Variants in FBXL4 observed in about 807,000 individuals in gnomAD.
FBXL4 encodes the protein F-box/LRR-repeat protein 4.
FBXL4 carries 40 observed loss-of-function variants against 58.9 expected under a neutral mutation model. The ratio of observed to expected loss-of-function variants is 0.68; its 90% confidence interval spans 0.53 to 0.88. FBXL4 has a LOEUF of 0.88. Ranked by LOEUF, FBXL4 falls within the 40% of genes least tolerant of loss-of-function variation. The probability of loss-of-function intolerance (pLI) is 0.00; values close to 1 mark genes in which losing one functional copy is unlikely to be tolerated. For missense variants in FBXL4, 676 were observed against 734.4 expected (o/e 0.92, Z 0.92); for synonymous variants, 263 against 265.5 (o/e 0.99, Z 0.09).
chr6:98,904,277 A>G (rs948077765), intron 6 of FBXL4, among the ~76,000 whole-genome samples: 1 of 152,182 alleles, frequency 6.6e-6, no homozygotes, highest in Non-Finnish European at 1.5e-5. Flanking sequence ...CAGCTGCCAA[A>G]TATCTAGCAA....
At chr6:98,889,873 G>T (rs1228122634) in intron 7 of FBXL4, among the ~76,000 whole-genome samples, 1 of 151,970 alleles carries the variant, frequency 6.6e-6, no homozygotes, top group South Asian at 2.1e-4. Context: ...AATTTTCATT[G>T]ACAGCTTTTT....
intron 7 of FBXL4, among the ~76,000 whole-genome samples, chr6:98,890,513 C>T (rs1363731070): frequency 6.6e-6 from 1 of 152,174 alleles, no homozygotes; most frequent in Non-Finnish European, 1.5e-5. Context: ...AGAACACAAC[C>T]ACTCAATTAC....
rs1389372878 is a variant in FBXL4, at chr6:98,872,652, T to G, written c.*1626A>C. The G allele has an allele frequency of 6.6e-6, 1 of 152,202 alleles. No homozygotes were observed. Among genetic ancestry groups the G allele is most frequent in the Non-Finnish European group, 1.5e-5 (1 of 68,038 alleles). 9.4% of individuals were successfully genotyped at this position (152,202 alleles called of 1,614,324 possible). On this transcript the variant is annotated 3_prime_UTR_variant, in exon 10 of 10. Transcript: ENST00000369244. ...ACATAACAATCTCAGTTTTACCTCTTAGCCCACAAAGCCTAAAATATTTAC... is the reference window on the plus strand; with the variant it reads ...ACATAACAATCTCAGTTTTACCTCTGAGCCCACAAAGCCTAAAATATTTAC...
intron 6 of FBXL4, among the ~76,000 whole-genome samples, chr6:98,903,282 C>T (rs1382869426): frequency 1.3e-5 from 2 of 152,102 alleles, no homozygotes; most frequent in African/African-American, 4.8e-5. Flanking sequence ...ACTATCAATT[C>T]AGCAGTCAAG....
Position 98,917,699 on chromosome 6 carries a change from TC to T in FBXL4, c.532del (p.Glu178ArgfsTer6). ...AEVRWEILWS[E>X]RPTKVNASQA... ...GGAAGCATTCACCTTCGTAGGTCTC[TC>T]TGACCAAAGAATCTCCCATCTGCCA... On this transcript the variant is annotated frameshift_variant, in exon 5 of 10. Transcript: ENST00000369244. LOFTEE classifies it high-confidence loss of function. The T allele has an allele frequency of 6.2e-7, 1 of 1,602,478 alleles. No homozygotes were observed. Among genetic ancestry groups the T allele is most frequent in the Non-Finnish European group, 8.5e-7 (1 of 1,175,472 alleles).
At chr6:98,885,677 T>C (rs1163754001) in intron 7 of FBXL4, among the ~76,000 whole-genome samples, 1 of 152,244 alleles carries the variant, frequency 6.6e-6, no homozygotes, top group Non-Finnish European at 1.5e-5. Context: ...TTAAACCTGC[T>C]ACCTGTCAGA....
chr6:98,926,333 T>A (rs1772777744), intron 4 of FBXL4, 144 bp downstream of exon 4: 1 of 741,064 alleles, frequency 1.3e-6, no homozygotes, highest in Admixed American at 3.0e-5. Flanking sequence ...TGATCTCTCT[T>A]CCCCATCAGA....
intron 7 of FBXL4, among the ~76,000 whole-genome samples, chr6:98,895,161 T>C (rs1771368402): frequency 6.6e-6 from 1 of 152,130 alleles, no homozygotes; most frequent in Non-Finnish European, 1.5e-5. Context: ...AAATTGAGAG[T>C]AGGCCTATAT....
chr6:98,874,529 T>C, intron 9 of FBXL4, 88 bp from the exon 10 acceptor site: 2 of 1,353,762 alleles, frequency 1.5e-6, no homozygotes, highest in South Asian at 2.9e-5. Context: ...ATCCATGATT[T>C]ATTGTTTGTA....
intron 5 of FBXL4, among the ~76,000 whole-genome samples, chr6:98,907,842 G>C (rs892529065): frequency 6.6e-6 from 1 of 152,014 alleles, no homozygotes; most frequent in Non-Finnish European, 1.5e-5. Context: ...ACAACAACAT[G>C]ATCTTTAAAA....
chr6:98,913,618 A>G (rs375189464), intron 5 of FBXL4, among the ~76,000 whole-genome samples: 2 of 152,182 alleles, frequency 1.3e-5, no homozygotes, highest in Non-Finnish European at 1.5e-5. Flanking sequence ...TGAAACCAAT[A>G]AGAACAAAGA....
chr6:98,914,628 C>A (rs550305497), intron 5 of FBXL4, among the ~76,000 whole-genome samples: 1 of 150,318 alleles, frequency 6.7e-6, no homozygotes, highest in Non-Finnish European at 1.5e-5. Context: ...ACGCTTCATG[C>A]TAAAAACTCT....
chr6:98,913,552 C>A (rs916902108), intron 5 of FBXL4, among the ~76,000 whole-genome samples: 60 of 152,258 alleles, frequency 3.9e-4, no homozygotes, highest in Non-Finnish European at 3.5e-4. Flanking sequence ...GAACAACCTG[C>A]TCCTGAATGA....
intron 2 of FBXL4, among the ~76,000 whole-genome samples, chr6:98,933,531 T>C (rs1016843267): frequency 2.0e-5 from 3 of 152,140 alleles, no homozygotes; most frequent in Admixed American, 1.3e-4. Context: ...GCCCCCTCTC[T>C]TCCAATGCTT....
intron 4 of FBXL4, among the ~76,000 whole-genome samples, chr6:98,919,257 C>T (rs953319087): frequency 3.3e-5 from 5 of 152,062 alleles, no homozygotes; most frequent in East Asian, 1.9e-4. Context: ...AAACATATCA[C>T]GAAGGGAATC....
In FBXL4 at chr6:98,875,426, A is replaced by G. The variant is rs1334067343; in HGVS notation, c.1691T>C (p.Leu564Pro). Reference protein sequence around the residue: ...LACNCTRLQQLDILGTRMVSP... With the variant: ...LACNCTRLQQPDILGTRMVSP... ...TATTGTAACCTTACCTAATATGTCC[A>G]GCTGCTGTAACCTGGTACAATTACA... The change falls in exon 9 of 10, where the codon CTG becomes CCG. Residue 564 changes from leucine to proline, a missense_variant. By Grantham distance (98) the Leu-to-Pro change is moderately conservative (BLOSUM62 -3). Transcript: ENST00000369244. 4 of 1,613,952 alleles carry G rather than the reference A, an allele frequency of 2.5e-6. No homozygotes were observed. Among genetic ancestry groups the G allele is most frequent in the Non-Finnish European group, 3.4e-6 (4 of 1,179,830 alleles).
intron 7 of FBXL4, among the ~76,000 whole-genome samples, chr6:98,884,324 C>T (rs541624340): frequency 6.6e-6 from 1 of 152,174 alleles, no homozygotes; most frequent in African/African-American, 2.4e-5. Flanking sequence ...AAGGTAAATA[C>T]CGTTATTTAC....
At chr6:98,901,023 C>A (rs975580712) in intron 6 of FBXL4, among the ~76,000 whole-genome samples, 5 of 152,072 alleles carry the variant, frequency 3.3e-5, no homozygotes, top group Non-Finnish European at 7.4e-5. Flanking sequence ...ATCATCCAGG[C>A]AATAGTCTAG....
intron 1 of FBXL4, among the ~76,000 whole-genome samples, chr6:98,941,587 T>C (rs922385962): frequency 1.1e-4 from 17 of 152,284 alleles, no homozygotes; most frequent in African/African-American, 4.1e-4. Flanking sequence ...TAAAGATATC[T>C]ACTAGTTGGC....
Sources: gnomAD v4.1 joint callset for allele counts (sites outside exome capture counted in the v4.1 genomes callset) on GRCh38, gnomAD v4.1.1 for gene constraint, MANE v1.5 for transcripts, NCBI Gene and HGNC (gene_info 2026-07-23, HGNC 2026-07-21) for gene names.